Variants in CSDE1 observed in about 807,000 individuals in gnomAD.
CSDE1 encodes the protein cold shock domain containing E1.
Under a neutral mutation model 89.3 loss-of-function variants are expected in CSDE1, and 17 were observed. The ratio of observed to expected loss-of-function variants is 0.19; its 90% CI spans 0.13 to 0.29. The LOEUF is 0.29. CSDE1 is among the 10% of genes least tolerant of loss of function. CSDE1 has a pLI of 1.00. For missense variants in CSDE1, 672 were observed against 984.2 expected, an observed-to-expected ratio of 0.68 and a Z score of 4.24; for synonymous variants, 322 against 332.8, an observed-to-expected ratio of 0.97 and a Z score of 0.35.
At position 114,739,810 on chromosome 1, in the gene CSDE1, A is replaced by G; in HGVS notation, c.81T>C (p.Thr27=). Residue 27 remains threonine (T), a synonymous_variant, in exon 3 of 20, where the codon ACT becomes ACC. Coordinates refer to ENST00000358528, the MANE Select transcript of CSDE1 (RefSeq NM_001007553.3). ...PNGTSAALRE[T]GVIEKLLTSY... is the part of the protein sequence containing the mutation. ...AGGTTAACAGTTTTTCAATAACCCC[A>G]GTTTCACGCAGTGCTGCTGAAGTAC... 2 of 1,614,048 alleles carry G rather than the reference A, an allele frequency of 1.2e-6. No homozygotes were observed. The highest frequency in any genetic ancestry group is 1.1e-5 in the South Asian group (1 of 91,092).
intron 1 of CSDE1, among the ~76,000 whole-genome samples, chr1:114,755,987 T>C (rs1027158117): frequency 6.6e-6 from 1 of 152,106 alleles, no homozygotes; most frequent in Non-Finnish European, 1.5e-5. Flanking sequence ...TAATTTGATA[T>C]TTTAGCATTT....
intron 2 of CSDE1, among the ~76,000 whole-genome samples, chr1:114,749,567 G>A (rs1661195286): frequency 6.6e-6 from 1 of 152,174 alleles, no homozygotes; most frequent in South Asian, 2.1e-4. Flanking sequence ...AAATAGTACA[G>A]ACGGAGCTTC....
At chr1:114,744,267 C>A (rs1312011704) in intron 2 of CSDE1, among the ~76,000 whole-genome samples, 2 of 151,968 alleles carry the variant, frequency 1.3e-5, no homozygotes, top group South Asian at 4.2e-4. Context: ...TCAAATGAAC[C>A]GAGTTTAATG....
At chr1:114,747,560 A>G (rs1482384313) in intron 2 of CSDE1, among the ~76,000 whole-genome samples, 1 of 152,198 alleles carries the variant, frequency 6.6e-6, no homozygotes, top group Non-Finnish European at 1.5e-5. Context: ...ATGAAATGAA[A>G]GCCTTAATAT....
chr1:114,753,870 T>G (rs1314112521), intron 1 of CSDE1, among the ~76,000 whole-genome samples: 1 of 152,052 alleles, frequency 6.6e-6, no homozygotes, highest in African/African-American at 2.4e-5. Flanking sequence ...GAGCTATGAC[T>G]GTGCCACTGC....
intron 12 of CSDE1, among the ~76,000 whole-genome samples, chr1:114,727,402 C>G (rs1659853888): frequency 6.6e-6 from 1 of 152,078 alleles, no homozygotes; most frequent in African/African-American, 2.4e-5. Flanking sequence ...TTAAACTGGG[C>G]ATGTTACTTC....
At chr1:114,747,218 T>C (rs1263451018) in intron 2 of CSDE1, among the ~76,000 whole-genome samples, 1 of 152,214 alleles carries the variant, frequency 6.6e-6, no homozygotes, top group African/African-American at 2.4e-5. Flanking sequence ...CCCTTCTATA[T>C]ATATTTGTTC....
rs549477385 is a variant in CSDE1 at position 114,737,414 on chromosome 1, C to A, written c.402+57G>T. The A allele has an allele frequency of 6.1e-6, 8 of 1,317,860 alleles. No individual in the cohort carries two copies. The South Asian group carries it at 9.9e-5, about 16-fold the overall frequency. 81.6% of individuals were successfully genotyped at this position (1,317,860 alleles called of 1,614,324 possible). A position where few individuals can be genotyped will look rare whatever the true frequency, so the allele number is the denominator to read the frequency against. On this transcript the variant is annotated intron_variant, in intron 5 of 19. Transcript: ENST00000358528. ...GTTTTCTATTTTGAATTTTAAAGTA[C>A]GCTTATAGATCACATGGTGGATCAG...
At chr1:114,752,208 C>G (rs1661343979) in intron 1 of CSDE1, among the ~76,000 whole-genome samples, 1 of 152,184 alleles carries the variant, frequency 6.6e-6, no homozygotes. Flanking sequence ...CACAGCACTA[C>G]AGCCTGGGAG....
At chr1:114,750,246 T>C (rs1279208484) in intron 1 of CSDE1, 39 bp from the exon 2 acceptor site, 1 of 152,336 alleles carries the variant, frequency 6.6e-6, no homozygotes, top group Non-Finnish European at 1.5e-5. Flanking sequence ...ATAACATACA[T>C]AAAATAATCA....
At chr1:114,755,916 C>T (rs934393221) in intron 1 of CSDE1, among the ~76,000 whole-genome samples, 1 of 152,178 alleles carries the variant, frequency 6.6e-6, no homozygotes, top group African/African-American at 2.4e-5. Flanking sequence ...GACTTAGTGC[C>T]ACTGAACTGT....
chr1:114,733,697 G>A, intron 9 of CSDE1, 35 bp downstream of exon 9: 1 of 1,594,276 alleles, frequency 6.3e-7, no homozygotes, highest in Non-Finnish European at 8.6e-7. Flanking sequence ...TTACTACTGA[G>A]GCGAAATAGG....
At chr1:114,724,535 C>A (rs559270791) in intron 15 of CSDE1, among the ~76,000 whole-genome samples, 29 of 152,290 alleles carry the variant, frequency 1.9e-4, no homozygotes, top group Non-Finnish European at 8.8e-5. Context: ...ATAACACACA[C>A]TTAAGAGTTC....
intron 1 of CSDE1, among the ~76,000 whole-genome samples, chr1:114,757,697 C>A (rs1661690705): frequency 6.6e-6 from 1 of 152,142 alleles, no homozygotes; most frequent in South Asian, 2.1e-4. Flanking sequence ...GCGCAGCCGG[C>A]TGGCCTCAAC....
Position 114,730,525 on chromosome 1 carries a change from C to G in CSDE1, c.1174G>C (p.Glu392Gln). 1.2e-6 allele frequency: 2 copies of G among 1,614,108 alleles called. No individual in the cohort carries two copies. The highest frequency in any genetic ancestry group is 2.2e-5 in the South Asian group (2 of 91,088). ...GNQLHIADEVEFTVVPDMLSA... is the reference protein window; with the variant it reads ...GNQLHIADEVQFTVVPDMLSA... ...CAACTCACAGGAACCACAGTAAACT[C>G]TACTTCATCTGCAATATGGAGCTGG... is the stretch of plus-strand genomic sequence containing the variant. Residue 392 changes from glutamate to glutamine, a missense_variant, in exon 11 of 20, where the codon GAG (glutamate) becomes CAG (glutamine). By Grantham distance (29) the Glu-to-Gln change is conservative. Transcript: ENST00000358528.
At chr1:114,738,707 G>A (rs1228533353) in intron 3 of CSDE1, among the ~76,000 whole-genome samples, 1 of 108,182 alleles carries the variant, frequency 9.2e-6, no homozygotes, top group African/African-American at 3.7e-5. Flanking sequence ...GAGTCTCCCT[G>A]TCACCCAAGC....
intron 1 of CSDE1, among the ~76,000 whole-genome samples, 155 bp from the exon 2 acceptor site, chr1:114,750,362 G>C (rs1393871040): frequency 6.6e-6 from 1 of 152,134 alleles, no homozygotes; most frequent in Non-Finnish European, 1.5e-5. Flanking sequence ...ATGTTATTTG[G>C]AGCAATCTCT....
intron 10 of CSDE1, among the ~76,000 whole-genome samples, chr1:114,732,243 T>G (rs565684144): frequency 2.0e-5 from 3 of 152,298 alleles, no homozygotes; most frequent in Admixed American, 2.0e-4. Flanking sequence ...TTGTGTTTCC[T>G]AAAAACAGAA....
chr1:114,718,794 A>G, intron 18 of CSDE1, 49 bp from the exon 19 acceptor site: 1 of 1,601,076 alleles, frequency 6.2e-7, no homozygotes, highest in Non-Finnish European at 8.5e-7. Context: ...GTGGGCAGAC[A>G]GCAAGCACTT....
Sources: gnomAD v4.1 joint callset for allele counts (sites outside exome capture counted in the v4.1 genomes callset) on GRCh38, gnomAD v4.1.1 for gene constraint, MANE v1.5 for transcripts, NCBI Gene and HGNC (gene_info 2026-07-23, HGNC 2026-07-21) for gene names.